Variants in TNR observed in about 807,000 individuals in gnomAD.
The protein encoded by TNR is tenascin-R.
TNR carries 45 observed loss-of-function variants against 150.4 expected under a neutral mutation model. That is an observed-to-expected ratio of 0.30 (90% confidence interval 0.24 to 0.38). The LOEUF is 0.38. Among genes scored for constraint, TNR ranks in the 10% least tolerant of loss-of-function variants. The pLI is 1.00. For missense variants in TNR, 1,544 were observed against 1,759.1 expected, an observed-to-expected ratio of 0.88 and a Z score of 2.19; for synonymous variants, 687 against 678.4, an observed-to-expected ratio of 1.01 and a Z score of -0.20.
intron 1 of TNR, among the ~76,000 whole-genome samples, chr1:175,631,594 C>T (rs983177081): frequency 6.6e-6 from 1 of 152,110 alleles, no homozygotes; most frequent in African/African-American, 2.4e-5. Context: ...AGATTGAACA[C>T]CTGTGGCCTA....
rs146223707 is a variant in TNR at position 175,535,089 on chromosome 1, T to C, written c.-164-6720A>G. On this transcript the variant is annotated intron_variant, in intron 1 of 22. Coordinates refer to ENST00000367674, the MANE Select transcript of TNR (RefSeq NM_003285.3). The stretch of plus-strand genomic sequence containing the variant: ...TTACCCAGTCTTGGGTATTTATTCA[T>C]AGCAAAGTGAGAATGGGCTAATACA... Among the ~76,000 whole-genome samples the C allele has an allele frequency of 4.6e-5, 7 of 152,334 alleles. No homozygotes were observed. The East Asian group carries it at 1.2e-3, about 25-fold the overall frequency.
rs117711169 is a variant in TNR at position 175,338,201 on chromosome 1, G to T, written c.3383-522C>A. On this transcript the variant is annotated intron_variant, in intron 18 of 22. Transcript: ENST00000367674. ...ATTAAGGAATGCCCAAACAAGCTCG[G>T]CATTAGCAAGAAGATGAATTATCTA... Among the ~76,000 whole-genome samples the T allele has an allele frequency of 1.1e-3, 167 of 152,272 alleles. 1 individual carries two copies. In the East Asian group the frequency reaches 0.027, roughly 25 times the overall value.
At chr1:175,507,254 G>T (rs1285096775) in intron 2 of TNR, among the ~76,000 whole-genome samples, 1 of 152,154 alleles carries the variant, frequency 6.6e-6, no homozygotes, top group African/African-American at 2.4e-5. Flanking sequence ...TGCACCCTCA[G>T]TGCCACACGA....
In TNR at chr1:175,316,922, T is replaced by A. The variant is rs1648862950; in HGVS notation, c.*6435A>T. 1 of 152,200 alleles carries A rather than the reference T, an allele frequency of 6.6e-6. No homozygotes were observed. Among genetic ancestry groups the A allele is most frequent in the Non-Finnish European group, 1.5e-5 (1 of 68,026 alleles). The allele number at this position is 152,200 out of a possible 1,614,324, so 9.4% of individuals were successfully genotyped here. ...TGGCATCAAAGCCCCCTTGTAAGAA[T>A]ATTAGTAAAATCCAAGATGGTGGTC... is the stretch of plus-strand genomic sequence containing the variant. On this transcript the variant is annotated 3_prime_UTR_variant, in exon 23 of 23. Transcript: ENST00000367674.
chr1:175,679,062 C>T (rs889470067), intron 1 of TNR, among the ~76,000 whole-genome samples: 1 of 152,254 alleles, frequency 6.6e-6, no homozygotes, highest in Non-Finnish European at 1.5e-5. Flanking sequence ...TCACATAAAG[C>T]AGCTTCTGAC....
At chr1:175,723,538 T>C (rs985697421) in intron 1 of TNR, among the ~76,000 whole-genome samples, 1 of 152,240 alleles carries the variant, frequency 6.6e-6, no homozygotes, top group African/African-American at 2.4e-5. Context: ...AGTAGTCTTA[T>C]ATATATGGTT....
At chr1:175,445,434 T>C (rs1656006024) in intron 2 of TNR, among the ~76,000 whole-genome samples, 2 of 152,154 alleles carry the variant, frequency 1.3e-5, no homozygotes, top group African/African-American at 4.8e-5. Context: ...TTAAACCTGT[T>C]CAAGGATTTT....
At chr1:175,639,508 T>A (rs1218913650) in intron 1 of TNR, among the ~76,000 whole-genome samples, 2 of 152,194 alleles carry the variant, frequency 1.3e-5, no homozygotes, top group African/African-American at 4.8e-5. Context: ...CTTTCCTTTT[T>A]CAAACCTACA....
chr1:175,399,850 G>C (rs1653615083), intron 4 of TNR, among the ~76,000 whole-genome samples: 1 of 152,196 alleles, frequency 6.6e-6, no homozygotes, highest in Non-Finnish European at 1.5e-5. Flanking sequence ...CATAAATGTT[G>C]CACTTATGTG....
chr1:175,488,387 C>T (rs1464574658), intron 2 of TNR, among the ~76,000 whole-genome samples: 1 of 152,120 alleles, frequency 6.6e-6, no homozygotes, highest in Non-Finnish European at 1.5e-5. Context: ...TTAAAAGGAT[C>T]ACCACTGAGG....
chr1:175,356,387 T>C lies in TNR; in HGVS notation c.3050A>G (p.Tyr1017Cys). 2.5e-6 allele frequency: 4 copies of C among 1,614,032 alleles called. No individual in the cohort carries two copies. The highest frequency in any genetic ancestry group is 3.4e-6 in the Non-Finnish European group (4 of 1,179,936). The change falls in exon 16 of 23, where the codon TAT (tyrosine) becomes TGT (cysteine). Residue 1017 changes from tyrosine to cysteine, a missense_variant. Physicochemically the swap from Tyr to Cys is radical, Grantham distance 194 (BLOSUM62 -2). This residue lies in a region of TNR where 1,254 missense variants were observed against 1,329.4 expected (regional missense o/e 0.94). Coordinates refer to ENST00000367674, the MANE Select transcript of TNR (RefSeq NM_003285.3). ...ATTGGTGGCATACATGGTGGCAGTA[T>C]AGTGGGTGCTAGGAAGCAGGTCAAC... ...RLVDLLPSTH[Y>C]TATMYATNGP... is the part of the protein sequence containing the mutation.
intron 1 of TNR, among the ~76,000 whole-genome samples, chr1:175,550,620 A>G (rs1660901745): frequency 6.6e-6 from 1 of 152,052 alleles, no homozygotes; most frequent in African/African-American, 2.4e-5. Flanking sequence ...GTGCACATGT[A>G]TACACACGGA....
At chr1:175,460,677 G>A (rs1167375656) in intron 2 of TNR, among the ~76,000 whole-genome samples, 1 of 152,192 alleles carries the variant, frequency 6.6e-6, no homozygotes, top group African/African-American at 2.4e-5. Flanking sequence ...TGAGCAAACT[G>A]GGCTTCTGAA....
intron 1 of TNR, among the ~76,000 whole-genome samples, chr1:175,579,438 G>A (rs966391477): frequency 1.3e-5 from 2 of 151,988 alleles, no homozygotes; most frequent in African/African-American, 4.8e-5. Context: ...GAAGATAGGT[G>A]GGACTGGCAG....
At chr1:175,611,588 C>T (rs529996712) in intron 1 of TNR, among the ~76,000 whole-genome samples, 19 of 152,322 alleles carry the variant, frequency 1.2e-4, no homozygotes, top group African/African-American at 4.6e-4. Flanking sequence ...CCCTCCTTGG[C>T]TTCTCAAAGT....
chr1:175,480,419 A>AAAAG (rs200828309), intron 2 of TNR, among the ~76,000 whole-genome samples: 1,674 of 110,998 alleles, frequency 0.015, 35 homozygotes, highest in African/African-American at 0.039. Flanking sequence ...AAAGAAAGAA[A>AAAAG]AAAGAAAGAA....
intron 1 of TNR, among the ~76,000 whole-genome samples, chr1:175,676,548 G>T (rs1337521380): frequency 1.3e-5 from 2 of 152,116 alleles, no homozygotes; most frequent in Non-Finnish European, 2.9e-5. Flanking sequence ...TGAAACAAAG[G>T]ACAAGTCTCC....
intron 1 of TNR, among the ~76,000 whole-genome samples, chr1:175,685,524 C>G (rs949814287): frequency 6.6e-6 from 1 of 152,136 alleles, no homozygotes; most frequent in Non-Finnish European, 1.5e-5. Flanking sequence ...TTCATTCTGC[C>G]CATGACCATG....
At chr1:175,574,174 T>C (rs1274283620) in intron 1 of TNR, among the ~76,000 whole-genome samples, 2 of 152,148 alleles carry the variant, frequency 1.3e-5, no homozygotes, top group South Asian at 2.1e-4. Context: ...CCTGTGACCA[T>C]GACAAGGACC....
Sources: gnomAD v4.1 joint callset for allele counts (sites outside exome capture counted in the v4.1 genomes callset) on GRCh38, gnomAD v4.1.1 for gene constraint, gnomAD v4.1.1 regional missense constraint, MANE v1.5 for transcripts, NCBI Gene and HGNC (gene_info 2026-07-23, HGNC 2026-07-21) for gene names.